RBM38: variants seen among roughly 807,000 people sequenced by gnomAD.
RBM38 encodes RNA-binding protein 38.
Under a neutral mutation model 23.5 loss-of-function variants are expected in RBM38, and 11 were observed. The ratio of observed to expected loss-of-function variants is 0.47; its 90% CI spans 0.29 to 0.77. The LOEUF is 0.77. Among genes scored for constraint, RBM38 ranks in the 30% least tolerant of loss-of-function variants. The probability of loss-of-function intolerance (pLI) is 0.08; values close to 1 mark genes in which losing one functional copy is unlikely to be tolerated. For missense variants in RBM38, 330 were observed against 351.9 expected, an observed-to-expected ratio of 0.94 and a Z score of 0.50; for synonymous variants, 165 against 166.1, an observed-to-expected ratio of 0.99 and a Z score of 0.05.
chr20:57,408,192 C>T lies in RBM38; in HGVS notation c.*346C>T, dbSNP rs143852197. ...CAGGCTTGTGTCCCCACTGCTGCAT[C>T]GTGGCGGGGTGTCACAGACCCTCTG... On this transcript the variant is annotated 3_prime_UTR_variant, in exon 4 of 4. Transcript: ENST00000356208. The T allele has an allele frequency of 1.1e-4, 44 of 398,968 alleles. No individual in the cohort carries two copies. The highest frequency in any genetic ancestry group is 1.7e-4 in the Non-Finnish European group (36 of 211,712). The allele number at this position is 398,968 out of a possible 1,614,324, so 24.7% of individuals were successfully genotyped here.
chr20:57,397,708 C>T (rs553972159), intron 3 of RBM38, among the ~76,000 whole-genome samples: 1 of 152,214 alleles, frequency 6.6e-6, no homozygotes. Flanking sequence ...GGGAGAATGT[C>T]GACAGCTACT....
At chr20:57,394,280 A>G (rs1238886100) in intron 3 of RBM38, among the ~76,000 whole-genome samples, 2 of 151,282 alleles carry the variant, frequency 1.3e-5, no homozygotes, top group South Asian at 4.2e-4. Flanking sequence ...TGACTGGGGC[A>G]GTGTGGACAA....
At chr20:57,406,015 G>A (rs1431445669) in intron 3 of RBM38, among the ~76,000 whole-genome samples, 2 of 152,246 alleles carry the variant, frequency 1.3e-5, no homozygotes, top group East Asian at 3.8e-4. Flanking sequence ...CTACAGGTCA[G>A]AAGGAAGCTG....
At chr20:57,394,218 G>A (rs1419267256) in intron 3 of RBM38, among the ~76,000 whole-genome samples, 1 of 152,188 alleles carries the variant, frequency 6.6e-6, no homozygotes, top group East Asian at 1.9e-4. Context: ...TCACGCATGT[G>A]CGCACCACGT....
Position 57,395,630 on chromosome 20 carries a change from C to A in RBM38, c.416+2297C>A, listed in dbSNP as rs542204657. 7.6e-5 allele frequency among the ~76,000 whole-genome samples: 11 copies of A among 144,536 alleles called. 1 individual carries two copies. The highest frequency in any genetic ancestry group is 3.4e-3 in the Middle Eastern group (1 of 294). 94.8% of individuals were successfully genotyped at this position (144,536 alleles called of 152,430 possible). ...TCTGAACTCAAGCCTCTGAGAATCG[C>A]GCCGCCTCCTGCCCCTGCCTGGGCC... On this transcript the variant is annotated intron_variant, in intron 3 of 3. Coordinates refer to ENST00000356208, the MANE Select transcript of RBM38 (RefSeq NM_017495.6).
intron 3 of RBM38, among the ~76,000 whole-genome samples, chr20:57,406,468 G>C (rs2067384467): frequency 6.6e-6 from 1 of 152,180 alleles, no homozygotes; most frequent in East Asian, 1.9e-4. Flanking sequence ...AACTCACCTG[G>C]CCCCGTGTGT....
chr20:57,406,113 G>A (rs1468913967), intron 3 of RBM38, among the ~76,000 whole-genome samples: 1 of 152,216 alleles, frequency 6.6e-6, no homozygotes, highest in African/African-American at 2.4e-5. Flanking sequence ...AGGGCACAGT[G>A]CCGTGCCCTG....
chr20:57,397,009 G>A (rs1233241776), intron 3 of RBM38, among the ~76,000 whole-genome samples: 1 of 152,220 alleles, frequency 6.6e-6, no homozygotes, highest in East Asian at 1.9e-4. Context: ...GCTCTGAGAT[G>A]AGAAGACAGG....
chr20:57,397,469 A>T (rs1002925251), intron 3 of RBM38, among the ~76,000 whole-genome samples: 3 of 152,188 alleles, frequency 2.0e-5, no homozygotes, highest in Non-Finnish European at 4.4e-5. Context: ...TCTCCCAGGC[A>T]TGTGCCTGCC....
At chr20:57,406,622 C>T (rs1434478188) in intron 3 of RBM38, among the ~76,000 whole-genome samples, 2 of 152,192 alleles carry the variant, frequency 1.3e-5, no homozygotes, top group African/African-American at 4.8e-5. Context: ...CACTCCTTTG[C>T]TCCAGCATTC....
chr20:57,394,664 G>A (rs1184848039), intron 3 of RBM38, among the ~76,000 whole-genome samples: 2 of 152,144 alleles, frequency 1.3e-5, no homozygotes, highest in South Asian at 2.1e-4. Context: ...GTCTAGAGTC[G>A]TCTTAGAGGG....
At position 57,407,742 on chromosome 20, in the gene RBM38, A is replaced by G; in HGVS notation, c.616A>G (p.Ser206Gly). Residue 206 changes from serine (S) to glycine (G), a missense_variant, in exon 4 of 4, where the codon AGC becomes GGC. This residue lies in a region of RBM38 where 227 missense variants were observed against 216.4 expected (regional missense o/e 1.05). Transcript: ENST00000356208. The surrounding 1 kb of genome is among the most constrained non-coding windows in gnomAD (Gnocchi z 4.0). Reference protein sequence around the residue: ...PATAASFVGYSYPAAVPQALS... With the variant: ...PATAASFVGYGYPAAVPQALS... ...CACGGCTGCCAGCTTCGTGGGCTACAGCTACCCTGCCGCCGTGCCCCAGGC... is the reference window on the plus strand; with the variant it reads ...CACGGCTGCCAGCTTCGTGGGCTACGGCTACCCTGCCGCCGTGCCCCAGGC... 6.2e-7 allele frequency: 1 copy of G among 1,611,118 alleles called. No homozygotes were observed. Among genetic ancestry groups the G allele is most frequent in the Non-Finnish European group, 8.5e-7 (1 of 1,179,560 alleles).
chr20:57,400,917 G>A (rs554662177), intron 3 of RBM38, among the ~76,000 whole-genome samples: 3 of 152,290 alleles, frequency 2.0e-5, no homozygotes, highest in South Asian at 2.1e-4. Flanking sequence ...CCTGGGGAGC[G>A]CGTGGGACTC....
intron 3 of RBM38, among the ~76,000 whole-genome samples, chr20:57,405,057 C>T (rs1354522897): frequency 1.3e-5 from 2 of 152,238 alleles, no homozygotes; most frequent in African/African-American, 4.8e-5. Context: ...GCCCTTGTGC[C>T]GCCATGCTGC....
At chr20:57,403,000 C>T (rs770982791) in intron 3 of RBM38, among the ~76,000 whole-genome samples, 18 of 152,222 alleles carry the variant, frequency 1.2e-4, no homozygotes, top group African/African-American at 2.9e-4. Flanking sequence ...AGGACGGCAT[C>T]GTTCTTTGTT....
chr20:57,401,827 G>A (rs2067331182), intron 3 of RBM38, among the ~76,000 whole-genome samples: 1 of 152,208 alleles, frequency 6.6e-6, no homozygotes, highest in South Asian at 2.1e-4. Flanking sequence ...AGATGAGTTA[G>A]AAGAGGTAGG....
chr20:57,407,643 A>G lies in RBM38; in HGVS notation c.517A>G (p.Thr173Ala), dbSNP rs1221910192. Residue 173 changes from threonine to alanine, a missense_variant, in exon 4 of 4, where the codon ACG (threonine) becomes GCG (alanine). Physicochemically the swap from Thr to Ala is moderately conservative, Grantham distance 58. Around this residue, in one of 3 missense-constraint regions of RBM38, gnomAD observed 227 missense variants for 216.4 expected, o/e 1.05. Transcript: ENST00000356208. This position sits in a 1 kb window ranked among gnomAD's most constrained non-coding sequence, Gnocchi z 4.0. ...PSLSSPYIEY[T>A]PASPAYAQYP... ...GCTGTCCTCGCCCTACATTGAGTAC[A>G]CGCCGGCCAGCCCGGCCTACGCCCA... The G allele has an allele frequency of 6.2e-7, 1 of 1,613,190 alleles. No individual in the cohort carries two copies. Among genetic ancestry groups the G allele is most frequent in the Admixed American group, 1.7e-5 (1 of 60,016 alleles).
chr20:57,394,737 A>G (rs955313204), intron 3 of RBM38, among the ~76,000 whole-genome samples: 5 of 152,024 alleles, frequency 3.3e-5, no homozygotes, highest in East Asian at 1.9e-4. Context: ...TTCAGGCCAC[A>G]TGAAGAGGGT....
chr20:57,391,699 G>A lies in RBM38; in HGVS notation c.118G>A (p.Gly40Ser). 1 of 1,520,738 alleles carries A rather than the reference G, an allele frequency of 6.6e-7. No individual in the cohort carries two copies. The highest frequency in any genetic ancestry group is 8.8e-7 in the Non-Finnish European group (1 of 1,132,008). The allele number at this position is 1,520,738 out of a possible 1,614,324, so 94.2% of individuals were successfully genotyped here. A position where few individuals can be genotyped will look rare whatever the true frequency, so the allele number is the denominator to read the frequency against. ...DTTFTKIFVG[G>S]LPYHTTDASL... ...CACGTTCACCAAGATCTTCGTGGGCGGCCTGCCGTACCACACTACCGACGC... is the reference window on the plus strand; with the variant it reads ...CACGTTCACCAAGATCTTCGTGGGCAGCCTGCCGTACCACACTACCGACGC... Residue 40 changes from glycine (G) to serine (S), a missense_variant, in exon 1 of 4, where the codon GGC becomes AGC. Physicochemically the swap from Gly to Ser is moderately conservative, Grantham distance 56. Coordinates refer to ENST00000356208, the MANE Select transcript of RBM38 (RefSeq NM_017495.6).
Sources: allele counts gnomAD v4.1 joint callset (sites outside exome capture counted in the v4.1 genomes callset), GRCh38; gene constraint gnomAD v4.1.1; regional missense constraint gnomAD v4.1.1; non-coding constraint Gnocchi (gnomAD v3.1); transcripts MANE v1.5; gene names NCBI Gene and HGNC (gene_info 2026-07-23, HGNC 2026-07-21).